DPP8: variants seen among roughly 807,000 people sequenced by gnomAD.
The protein encoded by DPP8 is DPP VIII.
DPP8 carries 31 observed loss-of-function variants against 107.5 expected under a neutral mutation model. The observed-to-expected ratio is 0.29, with a 90% CI of 0.22 to 0.39. The LOEUF (loss-of-function observed/expected upper bound fraction) is 0.39, where lower values mean the gene tolerates loss of function less well. Ranked by LOEUF, DPP8 falls within the 10% of genes least tolerant of loss-of-function variation. The pLI is 1.00. For missense variants in DPP8, 842 were observed against 1,076.1 expected (o/e 0.78, Z 3.04); for synonymous variants, 381 against 356.6 (o/e 1.07, Z -0.77).
rs1273587723 is a variant in DPP8, at chr15:65,443,918, A to T, written c.*2966T>A. On this transcript the variant is annotated 3_prime_UTR_variant, in exon 20 of 20. Coordinates refer to ENST00000300141, the MANE Select transcript of DPP8 (RefSeq NM_130434.5). ...CCAAATCAATGGAATACAAATTTTT[A>T]TTTATTTATTTATTTTGAGGCAGAA... is the stretch of plus-strand genomic sequence containing the variant. 1 of 152,018 alleles carries T rather than the reference A, an allele frequency of 6.6e-6. No individual in the cohort carries two copies. The allele number at this position is 152,018 out of a possible 1,614,324, so 9.4% of individuals were successfully genotyped here.
rs778263996 is a variant in DPP8 at position 65,456,242 on chromosome 15, C to T, written c.2101G>A (p.Ala701Thr). 1.1e-5 allele frequency: 18 copies of T among 1,607,870 alleles called. No homozygotes were observed. The highest frequency in any genetic ancestry group is 1.7e-5 in the Admixed American group (1 of 57,822). ...SCHRGLKFEG[A>T]FKYKMGQIEI... ...TCACACACCATTTTATATTTAAAGG[C>T]GCCTTCAAATTTAAGCCCTCGGTGA... Residue 701 changes from alanine to threonine, a missense_variant, in exon 16 of 20, where the codon GCC becomes ACC. Physicochemically the swap from Ala to Thr is moderately conservative, Grantham distance 58. This residue lies in a region of DPP8 where 179 missense variants were observed against 318.0 expected (regional missense o/e 0.56). Transcript: ENST00000300141.
At chr15:65,467,366 G>C (rs770391092) in intron 12 of DPP8, 143 bp from the exon 13 acceptor site, 14 of 750,160 alleles carry the variant, frequency 1.9e-5, no homozygotes, top group East Asian at 5.4e-5. Flanking sequence ...TAATAAACCT[G>C]AGTTAATTTT....
chr15:65,507,239 C>A lies in DPP8; in HGVS notation c.372+4G>T, dbSNP rs1421906464. 1 of 1,543,502 alleles carries A rather than the reference C, an allele frequency of 6.5e-7. No individual in the cohort carries two copies. The highest frequency in any genetic ancestry group is 8.9e-7 in the Non-Finnish European group (1 of 1,122,102). On this transcript the variant is annotated splice_donor_region_variant and intron_variant, in intron 3 of 19. Coordinates refer to ENST00000300141, the MANE Select transcript of DPP8 (RefSeq NM_130434.5). ...ATCATAGGAATAACAACATTTAATC[C>A]TACCTGAAAAAGATCCAAAAGAGGC... is the stretch of plus-strand genomic sequence containing the variant.
chr15:65,510,529 T>C (rs893480744), intron 2 of DPP8, among the ~76,000 whole-genome samples: 6 of 136,498 alleles, frequency 4.4e-5, no homozygotes, highest in Non-Finnish European at 7.8e-5. Context: ...AGAAGAGAAA[T>C]ACAAATGGCT....
chr15:65,484,600 G>C (rs2067229511), intron 8 of DPP8, among the ~76,000 whole-genome samples: 1 of 149,400 alleles, frequency 6.7e-6, no homozygotes, highest in Non-Finnish European at 1.5e-5. Flanking sequence ...CTCTGCAGGA[G>C]AGAAAGCTAT....
chr15:65,466,686 T>A lies in DPP8; in HGVS notation c.1817A>T (p.Asp606Val). The change falls in exon 14 of 20, where the codon GAT becomes GTT. Residue 606 changes from aspartate (D) to valine (V), a missense_variant. Asp to Val is a radical substitution (Grantham distance 152). Transcript: ENST00000300141. ...GGGGGAAAAAAGAATACCTGCTGAA[T>A]CCAAAATGGTGGCCCAAAATTCCTT... ...KTKEFWATIL[D>V]SAGPLPDYTP... 6.2e-7 allele frequency: 1 copy of A among 1,614,058 alleles called. No homozygotes were observed. The highest frequency in any genetic ancestry group is 8.5e-7 in the Non-Finnish European group (1 of 1,179,980).
intron 19 of DPP8, among the ~76,000 whole-genome samples, chr15:65,449,975 T>A (rs184185453): frequency 9.8e-6 from 1 of 102,506 alleles, no homozygotes; most frequent in Non-Finnish European, 2.1e-5. Flanking sequence ...ATTATTATTA[T>A]TTTTTTTTTG....
intron 5 of DPP8, among the ~76,000 whole-genome samples, chr15:65,494,517 T>A (rs1000096063): frequency 4.0e-5 from 6 of 151,224 alleles, no homozygotes; most frequent in Non-Finnish European, 8.8e-5. Flanking sequence ...ACAAAAAAAA[T>A]TAAAAATTAG....
chr15:65,474,048 G>C (rs577882883), intron 12 of DPP8, among the ~76,000 whole-genome samples, 161 bp downstream of exon 12: 1 of 152,158 alleles, frequency 6.6e-6, no homozygotes, highest in African/African-American at 2.4e-5. Context: ...AAGTTGTAGT[G>C]AGCCGAGATC....
chr15:65,471,026 G>A (rs2065847349), intron 12 of DPP8, among the ~76,000 whole-genome samples: 1 of 152,086 alleles, frequency 6.6e-6, no homozygotes, highest in South Asian at 2.1e-4. Flanking sequence ...GCAAGTAGTA[G>A]ATGTTTAGGT....
intron 19 of DPP8, among the ~76,000 whole-genome samples, chr15:65,449,689 CGT>C (rs2063824305): frequency 6.6e-6 from 1 of 152,046 alleles, no homozygotes; most frequent in African/African-American, 2.4e-5. Context: ...GGATTACAGG[CGT>C]GAGCCACTGC....
chr15:65,475,450 G>C, intron 11 of DPP8: 1 of 1,569,314 alleles, frequency 6.4e-7, no homozygotes, highest in Non-Finnish European at 8.7e-7. Context: ...CAGGGAGCCA[G>C]GGTCCAGAGC....
In DPP8 at chr15:65,467,242, T is replaced by C; in HGVS notation, c.1537-19A>G. The C allele has an allele frequency of 6.2e-7, 1 of 1,613,402 alleles. No individual in the cohort carries two copies. Among genetic ancestry groups the C allele is most frequent in the Non-Finnish European group, 8.5e-7 (1 of 1,179,660 alleles). On this transcript the variant is annotated intron_variant, in intron 12 of 19. Coordinates refer to ENST00000300141, the MANE Select transcript of DPP8 (RefSeq NM_130434.5). ...CTTGGATCTGACAAGATAACAACAA[T>C]AACAAAATCAGGGCTAACATGACCT... is the stretch of plus-strand genomic sequence containing the variant.
chr15:65,490,591 A>G (rs2067929825), intron 5 of DPP8, among the ~76,000 whole-genome samples: 1 of 152,204 alleles, frequency 6.6e-6, no homozygotes, highest in Non-Finnish European at 1.5e-5. Flanking sequence ...GGACCACAGT[A>G]CATGCTCCAA....
At chr15:65,470,993 A>G (rs1231349300) in intron 12 of DPP8, among the ~76,000 whole-genome samples, 1 of 152,158 alleles carries the variant, frequency 6.6e-6, no homozygotes, top group Non-Finnish European at 1.5e-5. Context: ...ACATGACATG[A>G]AAGAAAACTG....
At chr15:65,471,378 A>T (rs1254786683) in intron 12 of DPP8, among the ~76,000 whole-genome samples, 1 of 152,054 alleles carries the variant, frequency 6.6e-6, no homozygotes, top group Non-Finnish European at 1.5e-5. Context: ...GGCGGGTATC[A>T]TTCTGACACC....
chr15:65,473,584 G>A (rs1283341006), intron 12 of DPP8, among the ~76,000 whole-genome samples: 1 of 152,162 alleles, frequency 6.6e-6, no homozygotes, highest in East Asian at 1.9e-4. Context: ...TGGGAGGATC[G>A]TCTGAGCCTG....
At chr15:65,481,483 G>A (rs748163997) in intron 9 of DPP8, 32 bp downstream of exon 9, 3 of 1,381,258 alleles carry the variant, frequency 2.2e-6, no homozygotes, top group South Asian at 2.5e-5. Flanking sequence ...TCCTAAATTA[G>A]TTATAAAGAA....
At chr15:65,512,045 G>C (rs138688581) in intron 2 of DPP8, 1 of 627,016 alleles carries the variant, frequency 1.6e-6, no homozygotes, top group Non-Finnish European at 3.0e-6. Context: ...CTAGCTTTAG[G>C]AAGAAGCAAT....
Sources: gnomAD v4.1 joint callset for allele counts (sites outside exome capture counted in the v4.1 genomes callset) on GRCh38, gnomAD v4.1.1 for gene constraint, gnomAD v4.1.1 regional missense constraint, MANE v1.5 for transcripts, NCBI Gene and HGNC (gene_info 2026-07-23, HGNC 2026-07-21) for gene names.